MAST4: variants seen among roughly 807,000 people sequenced by gnomAD.
The protein encoded by MAST4 is microtubule associated serine/threonine kinase family member 4.
MAST4 carries 89 observed loss-of-function variants against 162.7 expected under a neutral mutation model. The ratio of observed to expected loss-of-function variants is 0.55; its 90% CI spans 0.46 to 0.65. The LOEUF (loss-of-function observed/expected upper bound fraction) is 0.65. Among genes scored for constraint, MAST4 ranks in the 30% least tolerant of loss-of-function variants. The pLI is 0.00. For synonymous variants in MAST4, 1,479 were observed against 1,361.1 expected (o/e 1.09, Z -1.91); for missense variants, 3,153 against 3,374.0 (o/e 0.93, Z 1.62).
intron 4 of MAST4, among the ~76,000 whole-genome samples, chr5:67,038,622 C>T (rs1005690515): frequency 4.6e-5 from 7 of 152,180 alleles, no homozygotes; most frequent in Admixed American, 2.0e-4. Context: ...TGCTAGTCTT[C>T]AATTTGTAGA....
intron 1 of MAST4, among the ~76,000 whole-genome samples, chr5:66,701,826 T>A (rs13177441): frequency 0.24 from 36,884 of 152,082 alleles, 4,558 homozygotes; most frequent in Middle Eastern, 0.33. Flanking sequence ...GGATTTTTTT[T>A]AATGAAAATT....
At chr5:67,000,891 C>T (rs945500494) in intron 4 of MAST4, among the ~76,000 whole-genome samples, 22 of 152,078 alleles carry the variant, frequency 1.4e-4, no homozygotes, top group East Asian at 1.9e-4. Flanking sequence ...TTATTTCTTC[C>T]TAAGCTTGCA....
At chr5:66,962,021 A>G (rs538998425) in intron 4 of MAST4, among the ~76,000 whole-genome samples, 1 of 152,364 alleles carries the variant, frequency 6.6e-6, no homozygotes, top group South Asian at 2.1e-4. Context: ...CAATAATTTA[A>G]TATTTTAGTT....
At chr5:67,136,725 T>A in intron 19 of MAST4, 61 bp downstream of exon 19, 1 of 1,321,768 alleles carries the variant, frequency 7.6e-7, no homozygotes, top group Non-Finnish European at 1.1e-6. Flanking sequence ...CATGGAGCAC[T>A]CTGAAGCTTT....
intron 3 of MAST4, among the ~76,000 whole-genome samples, chr5:66,799,937 GTGAGGTCATACAAC>G (rs1424333889): frequency 2.0e-5 from 3 of 152,162 alleles, no homozygotes; most frequent in East Asian, 3.8e-4. Context: ...CTGGAGTCAA[GTGAGGTCATACAAC>G]TGAGGATATC....
At chr5:67,055,851 CTG>C (rs1485703213) in intron 5 of MAST4, among the ~76,000 whole-genome samples, 1 of 152,066 alleles carries the variant, frequency 6.6e-6, no homozygotes, top group African/African-American at 2.4e-5. Flanking sequence ...CCAAAACACA[CTG>C]TGCACATAGA....
chr5:66,874,566 A>C (rs190171964), intron 3 of MAST4, among the ~76,000 whole-genome samples: 8 of 152,318 alleles, frequency 5.3e-5, no homozygotes, highest in Admixed American at 5.2e-4. Flanking sequence ...ATCAATTTCA[A>C]AACCCGAAAG....
At chr5:66,767,102 A>G (rs1754130106) in intron 2 of MAST4, among the ~76,000 whole-genome samples, 1 of 152,030 alleles carries the variant, frequency 6.6e-6, no homozygotes, top group African/African-American at 2.4e-5. Context: ...TGGAAGAGAC[A>G]TGCTAATTTC....
At chr5:66,765,778 T>C (rs1022162978) in intron 2 of MAST4, among the ~76,000 whole-genome samples, 4 of 152,226 alleles carry the variant, frequency 2.6e-5, no homozygotes, top group Non-Finnish European at 5.9e-5. Flanking sequence ...ATGATTGAAA[T>C]GTTTGCATTT....
intron 5 of MAST4, among the ~76,000 whole-genome samples, chr5:67,077,812 G>A (rs1458898763): frequency 2.0e-5 from 3 of 152,076 alleles, no homozygotes; most frequent in Admixed American, 1.3e-4. Flanking sequence ...AAAAGTACTA[G>A]GAAAAGGACA....
At chr5:67,042,925 A>C (rs1756944035) in intron 4 of MAST4, among the ~76,000 whole-genome samples, 1 of 152,232 alleles carries the variant, frequency 6.6e-6, no homozygotes, top group Non-Finnish European at 1.5e-5. Context: ...ACATGAAATC[A>C]GGGACAGTTC....
At chr5:67,159,096 C>T (rs956554274) in intron 26 of MAST4, among the ~76,000 whole-genome samples, 18 of 152,160 alleles carry the variant, frequency 1.2e-4, no homozygotes, top group African/African-American at 3.9e-4. Context: ...TTGATTCACC[C>T]ATCTGATCGG....
chr5:66,666,469 C>G (rs980999547), intron 1 of MAST4, among the ~76,000 whole-genome samples: 1 of 152,156 alleles, frequency 6.6e-6, no homozygotes, highest in African/African-American at 2.4e-5. Context: ...TGGTATGCCC[C>G]AAATAAAATG....
intron 1 of MAST4, among the ~76,000 whole-genome samples, chr5:66,657,739 A>G (rs914010187): frequency 6.6e-6 from 1 of 152,144 alleles, no homozygotes; most frequent in African/African-American, 2.4e-5. Context: ...GCTGCCTGTC[A>G]TTTCCTTTAT....
intron 3 of MAST4, among the ~76,000 whole-genome samples, chr5:66,873,869 G>A (rs554738863): frequency 1.3e-5 from 2 of 152,172 alleles, no homozygotes; most frequent in South Asian, 2.1e-4. Flanking sequence ...TTATTATTAG[G>A]CAGTCTTCTC....
intron 24 of MAST4, 57 bp downstream of exon 24, chr5:67,149,646 CCT>C (rs1297008149): frequency 6.5e-7 from 1 of 1,532,760 alleles, no homozygotes; most frequent in Non-Finnish European, 9.0e-7. Flanking sequence ...TCCCATCCCT[CCT>C]CTCCCAATTT....
intron 2 of MAST4, among the ~76,000 whole-genome samples, chr5:66,786,272 GT>G (rs540263638): frequency 0.022 from 3,143 of 144,096 alleles, 41 homozygotes; most frequent in Middle Eastern, 0.033. Flanking sequence ...ATTCTCCCAA[GT>G]TTTTTTTTTT....
chr5:66,979,566 T>C (rs575026168), intron 4 of MAST4, among the ~76,000 whole-genome samples: 1 of 152,190 alleles, frequency 6.6e-6, no homozygotes, highest in Non-Finnish European at 1.5e-5. Flanking sequence ...TAGAGAATGA[T>C]CCTTGGTTGT....
chr5:66,999,065 C>G (rs771317676), intron 4 of MAST4, among the ~76,000 whole-genome samples: 1 of 152,222 alleles, frequency 6.6e-6, no homozygotes, highest in Non-Finnish European at 1.5e-5. Flanking sequence ...CAGTGCTCCA[C>G]GTGGTTTATT....
Sources: gnomAD v4.1 joint callset for allele counts (sites outside exome capture counted in the v4.1 genomes callset) on GRCh38, gnomAD v4.1.1 for gene constraint, MANE v1.5 for transcripts, NCBI Gene and HGNC (gene_info 2026-07-23, HGNC 2026-07-21) for gene names.